PRH1: variants seen among roughly 807,000 people sequenced by gnomAD.
The protein encoded by PRH1 is salivary acidic proline-rich phosphoprotein 1/2.
A neutral mutation model predicts 7.9 loss-of-function variants in PRH1; 7 were observed. That is an observed-to-expected ratio of 0.89 (90% CI 0.50 to 1.67). PRH1 has a LOEUF of 1.67. PRH1 is among the 40% of genes most tolerant of loss of function. The pLI is 0.00. For synonymous variants in PRH1, 45 were observed against 80.8 expected (o/e 0.56, Z 2.38); for missense variants, 109 against 223.6 (o/e 0.49, Z 3.27).
At chr12:10,916,120 C>A (rs527949443) in intron 2 of PRH1, among the ~76,000 whole-genome samples, 1 of 152,150 alleles carries the variant, frequency 6.6e-6, no homozygotes, top group African/African-American at 2.4e-5. Flanking sequence ...GGACATCTTA[C>A]GTGGCAGCAG....
At chr12:10,997,116 T>A (rs1940298226) in intron 1 of PRH1, 4 of 1,613,926 alleles carry the variant, frequency 2.5e-6, no homozygotes, top group Non-Finnish European at 3.4e-6. Flanking sequence ...TTTGGTCGCA[T>A]CTTAAAATTC....
intron 1 of PRH1, among the ~76,000 whole-genome samples, chr12:11,019,697 C>G (rs1193649145): frequency 6.6e-6 from 1 of 152,276 alleles, no homozygotes; most frequent in Admixed American, 6.5e-5. Flanking sequence ...ACATTTCCAA[C>G]CAACTTAATC....
At chr12:11,012,798 T>A (rs1941122605) in intron 1 of PRH1, among the ~76,000 whole-genome samples, 1 of 152,132 alleles carries the variant, frequency 6.6e-6, no homozygotes, top group Non-Finnish European at 1.5e-5. Flanking sequence ...GCTCATACGA[T>A]CTTCCCACCT....
intron 1 of PRH1, chr12:11,166,150 AT>A (rs2136467032): frequency 6.6e-6 from 1 of 152,404 alleles, no homozygotes; most frequent in South Asian, 2.1e-4. Flanking sequence ...CAGTGTCAGC[AT>A]GGGAGTCCAA....
chr12:11,083,681 T>C (rs1357896113), intron 1 of PRH1, among the ~76,000 whole-genome samples: 1 of 152,306 alleles, frequency 6.6e-6, no homozygotes, highest in African/African-American at 2.4e-5. Context: ...GTTGATAACA[T>C]TTCCCTTTTG....
At chr12:11,167,069 T>C (rs1000958709) in intron 1 of PRH1, among the ~76,000 whole-genome samples, 3 of 152,350 alleles carry the variant, frequency 2.0e-5, no homozygotes, top group South Asian at 2.1e-4. Context: ...ATAATCACAT[T>C]TGCAAAATCT....
At chr12:11,062,544 C>T (rs1015636108) in intron 1 of PRH1, among the ~76,000 whole-genome samples, 1 of 152,114 alleles carries the variant, frequency 6.6e-6, no homozygotes, top group African/African-American at 2.4e-5. Flanking sequence ...CATTCATTCA[C>T]TGTCTGTCCT....
intron 1 of PRH1, among the ~76,000 whole-genome samples, chr12:10,985,074 G>A (rs199965343): frequency 1.3e-5 from 2 of 150,384 alleles, no homozygotes; most frequent in Non-Finnish European, 1.5e-5. Context: ...AGGTGGTTTA[G>A]AAAAAAAAAC....
chr12:11,160,281 C>T (rs922097972), intron 1 of PRH1, among the ~76,000 whole-genome samples: 4 of 152,030 alleles, frequency 2.6e-5, no homozygotes, highest in African/African-American at 9.7e-5. Flanking sequence ...ATTCATAATT[C>T]AAGAATTTCA....
At chr12:10,971,867 T>G (rs1565510829) in intron 2 of PRH1, among the ~76,000 whole-genome samples, 1 of 152,204 alleles carries the variant, frequency 6.6e-6, no homozygotes, top group South Asian at 2.1e-4. Context: ...TATCATTCTA[T>G]GATTGTGATT....
downstream of PRH1, among the ~76,000 whole-genome samples, chr12:11,118,465 G>A (rs142198278): frequency 2.1e-3 from 321 of 151,836 alleles, 1 homozygote; most frequent in Non-Finnish European, 3.9e-3. Context: ...ACTGTACACC[G>A]CAGGTGGGAA....
At chr12:10,969,300 C>A (rs949725690) in intron 2 of PRH1, among the ~76,000 whole-genome samples, 2 of 152,162 alleles carry the variant, frequency 1.3e-5, no homozygotes, top group African/African-American at 4.8e-5. Context: ...CCACTTCTCA[C>A]TACCGGTGGA....
At chr12:11,070,055 A>G (rs1365835797) in intron 1 of PRH1, among the ~76,000 whole-genome samples, 2 of 152,172 alleles carry the variant, frequency 1.3e-5, no homozygotes, top group African/African-American at 2.4e-5. Context: ...GTGGGGCAGA[A>G]GAGGGCTCCC....
At chr12:11,141,791 T>G (rs953574276) in intron 1 of PRH1, among the ~76,000 whole-genome samples, 12 of 152,248 alleles carry the variant, frequency 7.9e-5, no homozygotes, top group Middle Eastern at 3.4e-3. Context: ...CTTCCTTGTT[T>G]TGGGTGGAGG....
intron 3 of PRH1, among the ~76,000 whole-genome samples, chr12:10,881,434 C>A (rs574505857): frequency 3.3e-5 from 5 of 152,106 alleles, no homozygotes; most frequent in African/African-American, 1.2e-4. Flanking sequence ...ACGGAACAAC[C>A]AAACAATAGA....
chr12:10,970,938 T>C (rs1431109268), intron 2 of PRH1, among the ~76,000 whole-genome samples: 1 of 152,248 alleles, frequency 6.6e-6, no homozygotes, highest in Non-Finnish European at 1.5e-5. Context: ...CTCTAATAAT[T>C]ACAGTTCTAT....
chr12:10,966,181 C>A (rs950385921), intron 2 of PRH1, among the ~76,000 whole-genome samples: 3 of 152,140 alleles, frequency 2.0e-5, no homozygotes, highest in Non-Finnish European at 4.4e-5. Context: ...CATACTTAGA[C>A]CCTTGGTAAA....
chr12:10,897,552 T>C (rs539443718), intron 2 of PRH1, among the ~76,000 whole-genome samples: 3 of 152,304 alleles, frequency 2.0e-5, no homozygotes, highest in Admixed American at 6.5e-5. Context: ...TGAAACTGGG[T>C]TTCTGTAAGA....
intron 1 of PRH1, among the ~76,000 whole-genome samples, chr12:11,042,660 C>CA (rs1199995450): frequency 1.1e-5 from 1 of 92,780 alleles, no homozygotes; most frequent in Admixed American, 1.3e-4. Flanking sequence ...GGCAGAGTCT[C>CA]ACTCTGTCAC....
Sources: gnomAD v4.1 joint callset for allele counts (sites outside exome capture counted in the v4.1 genomes callset) on GRCh38, gnomAD v4.1.1 for gene constraint, MANE v1.5 for transcripts, NCBI Gene and HGNC (gene_info 2026-07-23, HGNC 2026-07-21) for gene names.